The following CAB39 variants were observed in gnomAD, a reference collection of about 807,000 sequenced individuals.
The protein encoded by CAB39 is calcium-binding protein 39.
In CAB39, 8 loss-of-function variants were observed where a neutral mutation model predicts 40.0. The ratio of observed to expected loss-of-function variants is 0.20; its 90% CI spans 0.12 to 0.36. The LOEUF (loss-of-function observed/expected upper bound fraction) is 0.36. Ranked by LOEUF, CAB39 falls within the 10% of genes least tolerant of loss-of-function variation. The pLI is 1.00. For missense variants in CAB39, 270 were observed against 401.1 expected (o/e 0.67, Z 2.79); for synonymous variants, 156 against 141.6 (o/e 1.10, Z -0.72).
chr2:230,807,805 A>C (rs574137122), intron 5 of CAB39, among the ~76,000 whole-genome samples: 1 of 152,060 alleles, frequency 6.6e-6, no homozygotes, highest in Non-Finnish European at 1.5e-5. Context: ...TAAGAATCCA[A>C]CCTCAGTTGA....
At chr2:230,797,844 C>T (rs1451646561) in intron 4 of CAB39, among the ~76,000 whole-genome samples, 1 of 152,038 alleles carries the variant, frequency 6.6e-6, no homozygotes, top group Non-Finnish European at 1.5e-5. Context: ...CTCTATTTAG[C>T]CAAGAGGGAA....
At chr2:230,818,402 C>A in intron 8 of CAB39, 114 bp from the exon 9 acceptor site, 1 of 771,568 alleles carries the variant, frequency 1.3e-6, no homozygotes, top group Non-Finnish European at 2.1e-6. Context: ...ATGACCCTGA[C>A]TTCAGCGCCA....
intron 7 of CAB39, among the ~76,000 whole-genome samples, chr2:230,815,491 G>T (rs1290534324): frequency 6.6e-6 from 1 of 152,216 alleles, no homozygotes; most frequent in East Asian, 1.9e-4. Context: ...CAGTTATACA[G>T]ATGCACACAG....
intron 4 of CAB39, 124 bp downstream of exon 4, chr2:230,793,455 A>AT (rs1260528504): frequency 4.4e-6 from 2 of 457,278 alleles, no homozygotes; most frequent in East Asian, 6.8e-5. Flanking sequence ...TTTTCCATAG[A>AT]TTTTGAACAC....
chr2:230,778,369 A>G lies in CAB39; in HGVS notation c.115-12503A>G, dbSNP rs80253469. 6.5e-3 allele frequency among the ~76,000 whole-genome samples: 990 copies of G among 152,328 alleles called. 8 individuals are homozygous for G. Among genetic ancestry groups the G allele is most frequent in the South Asian group, 0.018 (88 of 4,830 alleles). On this transcript the variant is annotated intron_variant, in intron 2 of 8. Transcript: ENST00000258418. ...TAAGGGCTGTGAGTACTTCAAGGAC[A>G]TTGCATAGAAGCACTAATGGGTATG...
rs186868041 is a variant in CAB39, at chr2:230,776,784, G to A, written c.115-14088G>A. Among the ~76,000 whole-genome samples the A allele has an allele frequency of 5.0e-3, 757 of 151,954 alleles. 5 individuals are homozygous for A. The highest frequency in any genetic ancestry group is 0.017 in the African/African-American group (709 of 41,398). ...CGGCTCACTGCAAGCTCCACCTCCT[G>A]GGTTCATGCCATTCTACTGCCTCAG... is the stretch of plus-strand genomic sequence containing the variant. On this transcript the variant is annotated intron_variant, in intron 2 of 8. Transcript: ENST00000258418.
Position 230,716,215 on chromosome 2 carries a change from A to G in CAB39, c.-44+2985A>G, listed in dbSNP as rs554623793. ...AGAAGAACTGCTAAGAAAGTCCAGTATAAGTATGGGGTTTGGTAACTTGAT... is the reference window on the plus strand; with the variant it reads ...AGAAGAACTGCTAAGAAAGTCCAGTGTAAGTATGGGGTTTGGTAACTTGAT... On this transcript the variant is annotated intron_variant, in intron 1 of 8. Transcript: ENST00000258418. 2.6e-4 allele frequency among the ~76,000 whole-genome samples: 39 copies of G among 152,348 alleles called. No homozygotes were observed. In the South Asian group the frequency reaches 5.2e-3, roughly 20 times the overall value.
At chr2:230,725,162 C>T in intron 1 of CAB39, 1 of 1,613,358 alleles carries the variant, frequency 6.2e-7, no homozygotes, top group Non-Finnish European at 8.5e-7. Context: ...GGCGTCGCAC[C>T]ACTCTCGAAG....
At chr2:230,774,905 A>T (rs953010583) in intron 2 of CAB39, among the ~76,000 whole-genome samples, 1 of 152,188 alleles carries the variant, frequency 6.6e-6, no homozygotes, top group Admixed American at 6.5e-5. Context: ...TATCACTGGA[A>T]TTAATGTGAT....
chr2:230,777,819 A>G (rs1695620556), intron 2 of CAB39, among the ~76,000 whole-genome samples: 1 of 152,234 alleles, frequency 6.6e-6, no homozygotes, highest in Admixed American at 6.5e-5. Context: ...TGTAAGTAAC[A>G]CTGCATGTAC....
intron 1 of CAB39, among the ~76,000 whole-genome samples, chr2:230,753,149 T>G (rs548688990): frequency 1.3e-5 from 2 of 152,038 alleles, no homozygotes; most frequent in East Asian, 3.9e-4. Context: ...GGAAAGGGCA[T>G]TGGGAGAGAG....
chr2:230,772,519 CTG>C (rs1695500591), intron 2 of CAB39, among the ~76,000 whole-genome samples: 1 of 149,078 alleles, frequency 6.7e-6, no homozygotes, highest in African/African-American at 2.5e-5. Flanking sequence ...AAGTCTCACT[CTG>C]TTGCCCAGGC....
In CAB39 at chr2:230,820,833, T is replaced by G. The variant is rs541416442; in HGVS notation, c.*2129T>G. 3 of 152,648 alleles carry G rather than the reference T, an allele frequency of 2.0e-5. No homozygotes were observed. Among genetic ancestry groups the G allele is most frequent in the African/African-American group, 7.2e-5 (3 of 41,452 alleles). The allele number at this position is 152,648 out of a possible 1,614,324, so 9.5% of individuals were successfully genotyped here. ...TGAAATGTTGCATTTGAAGTTATGA[T>G]CATTTAATATATTCATATTACCAAG... is the stretch of plus-strand genomic sequence containing the variant. On this transcript the variant is annotated 3_prime_UTR_variant, in exon 9 of 9. Coordinates refer to ENST00000258418, the MANE Select transcript of CAB39 (RefSeq NM_016289.4).
chr2:230,744,916 G>A (rs1485272664), intron 1 of CAB39, among the ~76,000 whole-genome samples: 1 of 152,124 alleles, frequency 6.6e-6, no homozygotes, highest in African/African-American at 2.4e-5. Flanking sequence ...AGCTACTAAA[G>A]CAAAGCCCAC....
chr2:230,769,749 C>G (rs1695450549), intron 2 of CAB39, among the ~76,000 whole-genome samples: 1 of 151,106 alleles, frequency 6.6e-6, no homozygotes, highest in African/African-American at 2.4e-5. Flanking sequence ...GAGACTGAGG[C>G]AGGCAAATCA....
At chr2:230,742,676 G>C (rs967160711) in intron 1 of CAB39, among the ~76,000 whole-genome samples, 2 of 151,950 alleles carry the variant, frequency 1.3e-5, no homozygotes, top group African/African-American at 4.8e-5. Flanking sequence ...CAATAGAGAT[G>C]TACAATTTCA....
chr2:230,815,006 A>G (rs1696375343), intron 7 of CAB39, among the ~76,000 whole-genome samples: 1 of 152,194 alleles, frequency 6.6e-6, no homozygotes, highest in South Asian at 2.1e-4. Flanking sequence ...GATAATGACC[A>G]AGATTCCATC....
intron 1 of CAB39, among the ~76,000 whole-genome samples, chr2:230,730,279 T>C (rs1325083004): frequency 6.6e-6 from 1 of 152,046 alleles, no homozygotes; most frequent in Non-Finnish European, 1.5e-5. Flanking sequence ...GAGTTAATTT[T>C]TGTAGTTTTT....
intron 1 of CAB39, among the ~76,000 whole-genome samples, chr2:230,720,207 T>A (rs1464812915): frequency 6.6e-6 from 1 of 151,840 alleles, no homozygotes; most frequent in East Asian, 1.9e-4. Context: ...GCAATGAGAG[T>A]GGGAAAGAAA....
Sources: allele counts gnomAD v4.1 joint callset (sites outside exome capture counted in the v4.1 genomes callset), GRCh38; gene constraint gnomAD v4.1.1; transcripts MANE v1.5; gene names NCBI Gene and HGNC (gene_info 2026-07-23, HGNC 2026-07-21).